ABCB9: variants seen among roughly 807,000 people sequenced by gnomAD.
The protein encoded by ABCB9 is ABC-type oligopeptide transporter ABCB9.
Under a neutral mutation model 62.0 loss-of-function variants are expected in ABCB9, and 36 were observed. The observed-to-expected ratio is 0.58, with a 90% confidence interval of 0.45 to 0.77. The LOEUF (loss-of-function observed/expected upper bound fraction) is 0.77. ABCB9 is among the 30% of genes least tolerant of loss of function. The pLI, the probability that ABCB9 is intolerant of heterozygous loss-of-function variation, is 0.00. For missense variants in ABCB9, 943 were observed against 1,054.7 expected, an observed-to-expected ratio of 0.89 and a Z score of 1.47; for synonymous variants, 435 against 461.4, an observed-to-expected ratio of 0.94 and a Z score of 0.73.
intron 1 of ABCB9, among the ~76,000 whole-genome samples, chr12:122,962,201 C>T (rs996629692): frequency 2.0e-5 from 3 of 152,196 alleles, no homozygotes; most frequent in Admixed American, 6.5e-5. Context: ...CAGGGACACC[C>T]GGGAAGTGGG....
rs184124508 is a variant in ABCB9 at position 122,954,418 on chromosome 12, G to A, written c.602-3853C>T. The stretch of plus-strand genomic sequence containing the variant: ...AGACGGGGTTTCTCCATGTTGGTCA[G>A]GCTGGTCTCGAACTCCTGACCTCAG... On this transcript the variant is annotated intron_variant, in intron 2 of 11. Transcript: ENST00000280560. Among the ~76,000 whole-genome samples the A allele has an allele frequency of 2.9e-4, 44 of 152,098 alleles. No individual in the cohort carries two copies. The East Asian group carries it at 7.9e-3, about 27-fold the overall frequency.
intron 3 of ABCB9, 111 bp from the exon 4 acceptor site, chr12:122,950,029 C>T: frequency 6.9e-7 from 1 of 1,439,138 alleles, no homozygotes; most frequent in East Asian, 2.3e-5. Flanking sequence ...CAGCCCCACT[C>T]CAGGGCTGGC....
intron 2 of ABCB9, among the ~76,000 whole-genome samples, chr12:122,953,475 C>T (rs938821282): frequency 1.3e-5 from 2 of 152,174 alleles, no homozygotes; most frequent in Non-Finnish European, 2.9e-5. Flanking sequence ...GTAACCTCTG[C>T]CACCTGGGTT....
At chr12:122,955,987 T>C (rs1020899153) in intron 2 of ABCB9, among the ~76,000 whole-genome samples, 12 of 152,184 alleles carry the variant, frequency 7.9e-5, no homozygotes, top group Admixed American at 2.0e-4. Flanking sequence ...TCTGGGATTA[T>C]AGGTGTGAGC....
intron 7 of ABCB9, among the ~76,000 whole-genome samples, chr12:122,942,284 A>G (rs2035801594): frequency 6.6e-6 from 1 of 151,960 alleles, no homozygotes; most frequent in Non-Finnish European, 1.5e-5. Flanking sequence ...AGCCGGTAGT[A>G]AACACCTAAA....
At chr12:122,957,322 A>T (rs2036651889) in intron 2 of ABCB9, among the ~76,000 whole-genome samples, 1 of 152,160 alleles carries the variant, frequency 6.6e-6, no homozygotes, top group Non-Finnish European at 1.5e-5. Flanking sequence ...GGGATTAGAC[A>T]TGAGCCACTG....
chr12:122,921,910 C>T (rs1364713066), intron 11 of ABCB9, among the ~76,000 whole-genome samples: 1 of 152,154 alleles, frequency 6.6e-6, no homozygotes, highest in Non-Finnish European at 1.5e-5. Flanking sequence ...AAATGGTCAG[C>T]AGCAATGGCT....
chr12:122,949,521 A>G (rs2036239279), intron 4 of ABCB9, among the ~76,000 whole-genome samples: 1 of 152,166 alleles, frequency 6.6e-6, no homozygotes, highest in Non-Finnish European at 1.5e-5. Context: ...CCATGGGGCA[A>G]TGGAAAGCAA....
At chr12:122,945,483 G>A (rs1372759094) in intron 6 of ABCB9, among the ~76,000 whole-genome samples, 1 of 152,132 alleles carries the variant, frequency 6.6e-6, no homozygotes, top group Non-Finnish European at 1.5e-5. Flanking sequence ...GGGACCTGCT[G>A]ACTCCCCACC....
intron 2 of ABCB9, among the ~76,000 whole-genome samples, chr12:122,955,424 C>T (rs935675905): frequency 5.9e-5 from 9 of 152,348 alleles, no homozygotes; most frequent in African/African-American, 2.2e-4. Flanking sequence ...ACAGGCATGA[C>T]AGTCATTCAT....
At chr12:122,971,585 C>T (rs965690302) in intron 1 of ABCB9, among the ~76,000 whole-genome samples, 1 of 151,940 alleles carries the variant, frequency 6.6e-6, no homozygotes, top group Non-Finnish European at 1.5e-5. Flanking sequence ...TCCTGAGTAG[C>T]TGGGATCATA....
intron 3 of ABCB9, 63 bp downstream of exon 3, chr12:122,950,388 T>A: frequency 6.8e-7 from 1 of 1,468,432 alleles, no homozygotes; most frequent in South Asian, 1.2e-5. Context: ...GAACAGGCCC[T>A]CCCTTCCCTC....
intron 2 of ABCB9, 106 bp from the exon 3 acceptor site, chr12:122,950,671 C>T (rs979216587): frequency 2.0e-5 from 18 of 906,798 alleles, no homozygotes; most frequent in Middle Eastern, 3.1e-4. Flanking sequence ...CCCACTCCAC[C>T]GGTGGGCTTT....
At chr12:122,937,808 A>G (rs374213479) in intron 9 of ABCB9, among the ~76,000 whole-genome samples, 1 of 152,168 alleles carries the variant, frequency 6.6e-6, no homozygotes, top group East Asian at 1.9e-4. Flanking sequence ...GATGATGTAA[A>G]CGGTGCTCCC....
chr12:122,946,246 A>C (rs766401436), intron 5 of ABCB9, 24 bp from the exon 6 acceptor site: 1 of 1,613,642 alleles, frequency 6.2e-7, no homozygotes, highest in Non-Finnish European at 8.5e-7. Context: ...GGGGACAAGA[A>C]GGAGAAGACC....
chr12:122,924,204 C>G (rs563893426), downstream of ABCB9, among the ~76,000 whole-genome samples: 11 of 152,292 alleles, frequency 7.2e-5, no homozygotes. Flanking sequence ...AGTGTGGGGA[C>G]CTGGGTTCCA....
chr12:122,921,282 G>A (rs1225243659), intron 11 of ABCB9, among the ~76,000 whole-genome samples: 2 of 152,128 alleles, frequency 1.3e-5, no homozygotes, highest in African/African-American at 4.8e-5. Flanking sequence ...CAGGCATGGT[G>A]GCACAGGCTG....
chr12:122,919,357 G>A (rs550750518), downstream of ABCB9, among the ~76,000 whole-genome samples: 1 of 151,758 alleles, frequency 6.6e-6, no homozygotes, highest in East Asian at 1.9e-4. Flanking sequence ...ATTTTTGTAG[G>A]GATGGGGTCC....
At chr12:122,968,924 CT>C (rs1460491959), upstream of ABCB9, among the ~76,000 whole-genome samples, 2 of 152,124 alleles carry the variant, frequency 1.3e-5, no homozygotes, top group Non-Finnish European at 2.9e-5. Context: ...CTCTCTGTAC[CT>C]TTGCATAGCT....
Sources: gnomAD v4.1 joint callset for allele counts (sites outside exome capture counted in the v4.1 genomes callset) on GRCh38, gnomAD v4.1.1 for gene constraint, MANE v1.5 for transcripts, NCBI Gene and HGNC (gene_info 2026-07-23, HGNC 2026-07-21) for gene names.